GALNT17: variants seen among roughly 807,000 people sequenced by gnomAD.
GALNT17 encodes the protein polypeptide N-acetylgalactosaminyltransferase 17.
Under a neutral mutation model 63.7 loss-of-function variants are expected in GALNT17, and 29 were observed. That is an observed-to-expected ratio of 0.46 (90% CI 0.34 to 0.62). The LOEUF is 0.62. GALNT17 is among the 20% of genes least tolerant of loss of function. The probability of loss-of-function intolerance (pLI) is 0.01; values close to 1 mark genes in which losing one functional copy is unlikely to be tolerated. For missense variants in GALNT17, 603 were observed against 799.6 expected (o/e 0.75, Z 2.97); for synonymous variants, 305 against 318.3 (o/e 0.96, Z 0.45).
chr7:71,491,639 G>T lies in GALNT17; in HGVS notation c.962+70534G>T, dbSNP rs750497958. Among the ~76,000 whole-genome samples, 3 of 152,284 alleles carry T rather than the reference G, an allele frequency of 2.0e-5. No individual in the cohort carries two copies. The South Asian group carries it at 6.2e-4, about 32-fold the overall frequency. ...AGTCCATCCTGATGCAATCAGAAGA[G>T]AATTTGGATCTAAACCAGCTGTTCT... On this transcript the variant is annotated intron_variant, in intron 5 of 10. Transcript: ENST00000333538.
At chr7:71,343,481 C>T (rs909625188) in intron 2 of GALNT17, among the ~76,000 whole-genome samples, 3 of 152,164 alleles carry the variant, frequency 2.0e-5, no homozygotes, top group African/African-American at 7.2e-5. Flanking sequence ...ACATTTCAGG[C>T]AAATGAATTC....
chr7:71,278,228 T>G (rs1300431141), intron 1 of GALNT17, among the ~76,000 whole-genome samples: 4 of 152,196 alleles, frequency 2.6e-5, no homozygotes, highest in Non-Finnish European at 5.9e-5. Flanking sequence ...ATGAGCAAAT[T>G]GAGGCTCAGA....
intron 1 of GALNT17, among the ~76,000 whole-genome samples, chr7:71,308,285 C>T (rs10238960): frequency 0.68 from 103,172 of 151,922 alleles, 35,265 homozygotes; most frequent in Middle Eastern, 0.73. Flanking sequence ...CTGCCAGTGC[C>T]GGGACCAAGG....
intron 3 of GALNT17, among the ~76,000 whole-genome samples, chr7:71,392,003 T>A (rs914907557): frequency 6.6e-5 from 10 of 151,952 alleles, no homozygotes; most frequent in African/African-American, 2.4e-4. Context: ...CTCATTACCA[T>A]GAAGGAGGCA....
At chr7:71,421,625 T>G (rs992581128) in intron 5 of GALNT17, among the ~76,000 whole-genome samples, 2 of 152,102 alleles carry the variant, frequency 1.3e-5, no homozygotes, top group Admixed American at 1.3e-4. Context: ...GATCAATATC[T>G]TGAGGCATAC....
chr7:71,639,757 C>A (rs17143750), intron 6 of GALNT17, among the ~76,000 whole-genome samples: 8,927 of 152,264 alleles, frequency 0.059, 863 homozygotes, highest in African/African-American at 0.2. Context: ...AGCAAACTTT[C>A]TGAGGTTCAT....
chr7:71,523,468 GGCCAGGCACA>G (rs1316736748), intron 5 of GALNT17, among the ~76,000 whole-genome samples: 1 of 151,674 alleles, frequency 6.6e-6, no homozygotes, highest in Admixed American at 6.6e-5. Flanking sequence ...GCAGATTCTT[GGCCAGGCACA>G]GTGAGTGGGC....
At chr7:71,689,585 T>C (rs755474824) in intron 9 of GALNT17, among the ~76,000 whole-genome samples, 1 of 152,158 alleles carries the variant, frequency 6.6e-6, no homozygotes, top group Non-Finnish European at 1.5e-5. Flanking sequence ...GTAGCAGAGG[T>C]TGGCTTGAGG....
At chr7:71,572,314 T>C (rs1343903953) in intron 6 of GALNT17, among the ~76,000 whole-genome samples, 1 of 149,510 alleles carries the variant, frequency 6.7e-6, no homozygotes, top group Non-Finnish European at 1.5e-5. Context: ...CCAGCCTGGG[T>C]GACATAACAA....
intron 6 of GALNT17, among the ~76,000 whole-genome samples, chr7:71,664,005 C>T (rs995489933): frequency 1.4e-5 from 2 of 145,788 alleles, no homozygotes; most frequent in Non-Finnish European, 1.5e-5. Context: ...AACCTCATTT[C>T]CATAAATTAA....
intron 1 of GALNT17, among the ~76,000 whole-genome samples, chr7:71,316,510 G>A (rs1453037493): frequency 6.6e-6 from 1 of 152,146 alleles, no homozygotes; most frequent in Non-Finnish European, 1.5e-5. Flanking sequence ...TTTGATTATT[G>A]TGAGGTTTGC....
intron 8 of GALNT17, among the ~76,000 whole-genome samples, chr7:71,675,774 G>A (rs1280369578): frequency 6.6e-6 from 1 of 152,154 alleles, no homozygotes; most frequent in Non-Finnish European, 1.5e-5. Flanking sequence ...ATCACCTGAA[G>A]TCAGGAGTTC....
At chr7:71,460,670 C>T (rs1787437407) in intron 5 of GALNT17, among the ~76,000 whole-genome samples, 2 of 152,184 alleles carry the variant, frequency 1.3e-5, no homozygotes, top group South Asian at 4.1e-4. Context: ...AATGGCTACT[C>T]CCTATGCAGA....
intron 2 of GALNT17, among the ~76,000 whole-genome samples, chr7:71,357,113 C>T (rs892510676): frequency 4.6e-5 from 7 of 152,056 alleles, no homozygotes; most frequent in East Asian, 1.9e-4. Context: ...TGTGTGTTTG[C>T]GATAGGGAAT....
intron 2 of GALNT17, among the ~76,000 whole-genome samples, chr7:71,356,389 A>T (rs755171289): frequency 1.1e-4 from 16 of 151,598 alleles, no homozygotes; most frequent in Admixed American, 2.0e-4. Flanking sequence ...TGGATAATTT[A>T]TAAAGAAAAG....
intron 1 of GALNT17, among the ~76,000 whole-genome samples, chr7:71,184,894 G>T (rs1258215101): frequency 6.6e-6 from 1 of 151,502 alleles, no homozygotes; most frequent in Non-Finnish European, 1.5e-5. Flanking sequence ...CAAGCCCTGT[G>T]AGCTGGGGGC....
chr7:71,434,722 G>A (rs1419375351), intron 5 of GALNT17, among the ~76,000 whole-genome samples: 4 of 152,036 alleles, frequency 2.6e-5, no homozygotes, highest in Non-Finnish European at 5.9e-5. Flanking sequence ...TTGAAATGTC[G>A]ATTGTTCCAC....
At chr7:71,411,220 A>G (rs933768822) in intron 3 of GALNT17, among the ~76,000 whole-genome samples, 1 of 152,080 alleles carries the variant, frequency 6.6e-6, no homozygotes, top group African/African-American at 2.4e-5. Context: ...CCCTGGGTTC[A>G]AGCGATTCTT....
intron 5 of GALNT17, among the ~76,000 whole-genome samples, chr7:71,430,715 C>G (rs1469660163): frequency 6.6e-6 from 1 of 152,054 alleles, no homozygotes; most frequent in African/African-American, 2.4e-5. Flanking sequence ...GAAAGGGATG[C>G]CTTGGATATA....
Sources: allele counts gnomAD v4.1 joint callset (sites outside exome capture counted in the v4.1 genomes callset), GRCh38; gene constraint gnomAD v4.1.1; transcripts MANE v1.5; gene names NCBI Gene and HGNC (gene_info 2026-07-23, HGNC 2026-07-21).